Variants in ANKRD17 observed in about 807,000 individuals in gnomAD.
ANKRD17 encodes ankyrin repeat domain-containing protein 17.
ANKRD17 carries 19 observed loss-of-function variants against 229.7 expected under a neutral mutation model. The ratio of observed to expected loss-of-function variants is 0.08; its 90% CI spans 0.06 to 0.12. ANKRD17 has a LOEUF of 0.12. ANKRD17 is among the 10% of genes least tolerant of loss of function. The pLI is 1.00. For synonymous variants in ANKRD17, 1,112 were observed against 1,146.1 expected, an observed-to-expected ratio of 0.97 and a Z score of 0.60; for missense variants, 2,176 against 3,176.8, an observed-to-expected ratio of 0.68 and a Z score of 7.57.
At chr4:73,155,044 A>G (rs558787244) in intron 5 of ANKRD17, among the ~76,000 whole-genome samples, 2 of 151,896 alleles carry the variant, frequency 1.3e-5, no homozygotes, top group South Asian at 2.1e-4. Context: ...CCGTCTCAAA[A>G]AAAAAAAAAA....
intron 27 of ANKRD17, 141 bp from the exon 28 acceptor site, chr4:73,094,369 C>T: frequency 2.6e-6 from 2 of 756,238 alleles, no homozygotes; most frequent in Non-Finnish European, 4.1e-6. Flanking sequence ...TTTACTCTTA[C>T]TCTAGATGAA....
At chr4:73,144,659 T>G in intron 11 of ANKRD17, 86 bp downstream of exon 11, 1 of 858,524 alleles carries the variant, frequency 1.2e-6, no homozygotes, top group Non-Finnish European at 1.7e-6. Context: ...CCCTCTTGCC[T>G]TCAAAAGACC....
At position 73,173,353 on chromosome 4, in the gene ANKRD17, C is replaced by CT. The variant is rs1196051151; in HGVS notation, c.547+4026dup. ...ACCCCAATATAAAAATAGCTGTAGA[C>CT]TTTAACATTCCACTTTCAGCATTGG... On this transcript the variant is annotated intron_variant, in intron 2 of 33. Coordinates refer to ENST00000358602, the MANE Select transcript of ANKRD17 (RefSeq NM_032217.5). 7.9e-5 allele frequency among the ~76,000 whole-genome samples: 12 copies of CT among 152,238 alleles called. No homozygotes were observed. The East Asian group carries it at 2.3e-3, about 29-fold the overall frequency.
intron 7 of ANKRD17, 104 bp from the exon 8 acceptor site, chr4:73,149,154 CT>C: frequency 1.1e-6 from 1 of 893,426 alleles, no homozygotes; most frequent in Non-Finnish European, 1.7e-6. Context: ...TCTATCTCCA[CT>C]CAAAAAGGAA....
chr4:73,167,809 C>T (rs1733429883), intron 2 of ANKRD17, among the ~76,000 whole-genome samples: 1 of 152,098 alleles, frequency 6.6e-6, no homozygotes, highest in Admixed American at 6.5e-5. Flanking sequence ...ATAATCCATT[C>T]TAGAATTTTA....
intron 6 of ANKRD17, among the ~76,000 whole-genome samples, chr4:73,153,541 G>C (rs897305141): frequency 6.6e-6 from 1 of 151,998 alleles, no homozygotes; most frequent in East Asian, 1.9e-4. Flanking sequence ...AATATTTTCA[G>C]GTTCATTGAC....
At chr4:73,252,779 TCAGTATGAAGTTTTCATCTTGTTA>T (rs755028002) in intron 1 of ANKRD17, among the ~76,000 whole-genome samples, 5 of 152,308 alleles carry the variant, frequency 3.3e-5, no homozygotes, top group South Asian at 2.1e-4. Flanking sequence ...GGGTGGTTTT[TCAGTATGAAGTTTTCATCTTGTTA>T]ACAACTTAAT....
At chr4:73,114,730 G>A (rs1245112018) in intron 23 of ANKRD17, among the ~76,000 whole-genome samples, 1 of 152,118 alleles carries the variant, frequency 6.6e-6, no homozygotes, top group Non-Finnish European at 1.5e-5. Flanking sequence ...AATTGTCATG[G>A]ACAAGTCTAG....
intron 1 of ANKRD17, among the ~76,000 whole-genome samples, chr4:73,180,176 G>C (rs1468970588): frequency 1.3e-5 from 2 of 151,962 alleles, no homozygotes; most frequent in Non-Finnish European, 1.5e-5. Context: ...AGAGATCAGA[G>C]GTGCTAAAGA....
chr4:73,217,075 A>C (rs1741165599), intron 1 of ANKRD17, among the ~76,000 whole-genome samples: 1 of 152,214 alleles, frequency 6.6e-6, no homozygotes, highest in Admixed American at 6.5e-5. Context: ...GTAAAGGGCC[A>C]ATGTTGTTGC....
chr4:73,145,283 T>C lies in ANKRD17; in HGVS notation c.1870-451A>G, dbSNP rs112955174. 1.5e-3 allele frequency among the ~76,000 whole-genome samples: 223 copies of C among 152,310 alleles called. 1 individual carries two copies. The South Asian group carries it at 0.016, about 11-fold the overall frequency. On this transcript the variant is annotated intron_variant, in intron 10 of 33. Coordinates refer to ENST00000358602, the MANE Select transcript of ANKRD17 (RefSeq NM_032217.5). Reference sequence around the variant, plus strand: ...GAGTGTATCCCATCTCTATGAATTTTAGTAAGTACATCATTACCATCTCTT... The same window carrying C: ...GAGTGTATCCCATCTCTATGAATTTCAGTAAGTACATCATTACCATCTCTT...
intron 1 of ANKRD17, among the ~76,000 whole-genome samples, chr4:73,209,935 A>G (rs779087690): frequency 1.1e-4 from 16 of 152,186 alleles, no homozygotes; most frequent in Non-Finnish European, 1.9e-4. Context: ...ATAAAAGGGA[A>G]CATCCTCAAC....
chr4:73,136,887 A>T (rs947709369), intron 15 of ANKRD17, among the ~76,000 whole-genome samples: 2 of 151,534 alleles, frequency 1.3e-5, no homozygotes, highest in Non-Finnish European at 2.9e-5. Flanking sequence ...TAAACAGGTT[A>T]AAAAAAATCT....
intron 18 of ANKRD17, among the ~76,000 whole-genome samples, chr4:73,122,442 C>T (rs1726870227): frequency 1.3e-5 from 2 of 152,132 alleles, no homozygotes; most frequent in African/African-American, 4.8e-5. Context: ...TTGTATCCCA[C>T]TGGATCTTAA....
Position 73,078,858 on chromosome 4 carries a change from G to A in ANKRD17, c.7192C>T (p.Arg2398Cys), listed in dbSNP as rs144246217. The A allele has an allele frequency of 1.1e-5, 17 of 1,614,008 alleles. No homozygotes were observed. Among genetic ancestry groups the A allele is most frequent in the South Asian group, 6.6e-5 (6 of 91,074 alleles). ...SSAQSVSSGV[R>C]APSPAPSSVP... ...GATGATGGGGCAGGAGATGGTGCAC[G>A]AACTCCCGAGGATACTGACTGTGCA... The change falls in exon 31 of 34, where the codon CGT (arginine) becomes TGT (cysteine). Residue 2398 changes from arginine (R) to cysteine (C), a missense_variant. By Grantham distance (180) the Arg-to-Cys change is radical. Around this residue, in one of 18 missense-constraint regions of ANKRD17, gnomAD observed 87 missense variants for 116.0 expected, o/e 0.75. Coordinates refer to ENST00000358602, the MANE Select transcript of ANKRD17 (RefSeq NM_032217.5).
At chr4:73,243,760 C>G (rs1287882962) in intron 1 of ANKRD17, among the ~76,000 whole-genome samples, 1 of 152,222 alleles carries the variant, frequency 6.6e-6, no homozygotes, top group Non-Finnish European at 1.5e-5. Context: ...TCAGCAAGAG[C>G]TGAGTCTTAG....
At chr4:73,105,448 AG>A (rs904955637) in intron 24 of ANKRD17, among the ~76,000 whole-genome samples, 3 of 151,944 alleles carry the variant, frequency 2.0e-5, no homozygotes, top group Non-Finnish European at 4.4e-5. Context: ...AGAACAAATG[AG>A]GCTTCTGAAA....
chr4:73,245,013 G>A (rs1278226134), intron 1 of ANKRD17, among the ~76,000 whole-genome samples: 1 of 152,100 alleles, frequency 6.6e-6, no homozygotes, highest in Non-Finnish European at 1.5e-5. Flanking sequence ...AGCAGAGACA[G>A]ACATGAAAAC....
chr4:73,079,359 A>G (rs1721316774), intron 30 of ANKRD17, among the ~76,000 whole-genome samples: 1 of 152,134 alleles, frequency 6.6e-6, no homozygotes, highest in Non-Finnish European at 1.5e-5. Flanking sequence ...AAAAAGAAAT[A>G]CGTTTCTTTG....
Sources: gnomAD v4.1 joint callset for allele counts (sites outside exome capture counted in the v4.1 genomes callset) on GRCh38, gnomAD v4.1.1 for gene constraint, gnomAD v4.1.1 regional missense constraint, MANE v1.5 for transcripts, NCBI Gene and HGNC (gene_info 2026-07-23, HGNC 2026-07-21) for gene names.